Variants in CPT1C observed in about 807,000 individuals in gnomAD.
CPT1C encodes the protein carnitine palmitoyltransferase 1C, also known as palmitoyl thioesterase CPT1C.
A neutral mutation model predicts 97.3 loss-of-function variants in CPT1C; 61 were observed. The ratio of observed to expected loss-of-function variants is 0.63; its 90% CI spans 0.51 to 0.78. The LOEUF is 0.78. Among genes scored for constraint, CPT1C ranks in the 30% least tolerant of loss-of-function variants. CPT1C has a pLI of 0.00. For missense variants in CPT1C, 975 were observed against 1,065.5 expected, an observed-to-expected ratio of 0.92 and a Z score of 1.18; for synonymous variants, 469 against 447.2, an observed-to-expected ratio of 1.05 and a Z score of -0.61.
At chr19:49,700,972 T>TC in intron 5 of CPT1C, 117 bp downstream of exon 5, 1 of 1,082,996 alleles carries the variant, frequency 9.2e-7, no homozygotes, top group Non-Finnish European at 1.3e-6. Context: ...CTGGGTCTCT[T>TC]CCCCCTCTCT....
intron 17 of CPT1C, chr19:49,712,278 A>G: frequency 2.9e-6 from 1 of 343,404 alleles, no homozygotes; most frequent in Non-Finnish European, 5.4e-6. Flanking sequence ...CGGGAGGCGG[A>G]GGCTGTAGTG....
chr19:49,692,328 C>T lies in CPT1C; in HGVS notation c.76C>T (p.Pro26Ser). The change falls in exon 3 of 20, where the codon CCT (proline) becomes TCT (serine). Residue 26 changes from proline (P) to serine (S), a missense_variant. Coordinates refer to ENST00000598293, the MANE Select transcript of CPT1C (RefSeq NM_001199753.2). The stretch of plus-strand genomic sequence containing the variant: ...CGGGGCTGAAGTGGAACTCAGTGCC[C>T]CTGTGCTGCAGGAGATCTACCTCTC... The part of the protein sequence containing the change: ...SDGAEVELSA[P>S]VLQEIYLSGL... The T allele has an allele frequency of 6.2e-7, 1 of 1,613,994 alleles. No individual in the cohort carries two copies.
chr19:49,713,506 G>A lies in CPT1C; in HGVS notation c.2313G>A (p.Arg771=), dbSNP rs910399801. 1 of 1,614,102 alleles carries A rather than the reference G, an allele frequency of 6.2e-7. No individual in the cohort carries two copies. The highest frequency in any genetic ancestry group is 1.3e-5 in the African/African-American group (1 of 74,934). ...AGGCGGGACAGCATTTTAAGCGCCG[G>A]TTCAGAGGGTCAGGGAAGGAGAACT... ...LFQAGQHFKR[R]FRGSGKENSR... is the part of the protein sequence containing the mutation. Residue 771 remains arginine, a synonymous_variant, in exon 20 of 20, where the codon CGG becomes CGA. Transcript: ENST00000598293.
chr19:49,703,021 T>C (rs967351397), intron 7 of CPT1C, among the ~76,000 whole-genome samples: 1 of 151,946 alleles, frequency 6.6e-6, no homozygotes, highest in African/African-American at 2.4e-5. Flanking sequence ...CAGGCCTTGC[T>C]TTTCTGGTTA....
At chr19:49,710,951 C>A in intron 16 of CPT1C, 94 bp downstream of exon 16, 1 of 1,360,854 alleles carries the variant, frequency 7.3e-7, no homozygotes, top group South Asian at 1.4e-5. Context: ...CCAGCCTCCA[C>A]GAGGAGCACA....
At chr19:49,705,586 C>G (rs1376471571) in intron 10 of CPT1C, among the ~76,000 whole-genome samples, 1 of 152,042 alleles carries the variant, frequency 6.6e-6, no homozygotes, top group East Asian at 1.9e-4. Context: ...GTAGTGAGAT[C>G]CGGTCTATAT....
intron 7 of CPT1C, among the ~76,000 whole-genome samples, chr19:49,702,446 C>G (rs761219701): frequency 1.1e-4 from 17 of 150,806 alleles, no homozygotes; most frequent in Non-Finnish European, 2.1e-4. Context: ...GGTGAAACCC[C>G]GTCTCTACTA....
At chr19:49,692,015 G>A (rs1051602276) in intron 2 of CPT1C, 126 bp downstream of exon 2, 2 of 507,596 alleles carry the variant, frequency 3.9e-6, no homozygotes, top group African/African-American at 3.9e-5. Context: ...TGAGGGAGGA[G>A]GGGCTGGGGG....
In CPT1C at chr19:49,705,087, C is replaced by A. The variant is rs768326297; in HGVS notation, c.852C>A (p.His284Gln). The change falls in exon 9 of 20, where the codon CAC becomes CAA. Residue 284 changes from histidine (H) to glutamine (Q), a missense_variant. Coordinates refer to ENST00000598293, the MANE Select transcript of CPT1C (RefSeq NM_001199753.2). The part of the protein sequence containing the change: ...NAVHALLLYR[H>Q]RLNRQEIPPT... ...TCCATGCCCTCCTCCTGTACCGCCA[C>A]CGCCTGAACCGCCAGGAGATACCCC... The A allele has an allele frequency of 1.2e-6, 2 of 1,614,034 alleles. No homozygotes were observed. The highest frequency in any genetic ancestry group is 1.7e-5 in the Admixed American group (1 of 60,004).
intron 5 of CPT1C, 53 bp from the exon 6 acceptor site, chr19:49,701,264 C>G: frequency 6.6e-7 from 1 of 1,508,694 alleles, no homozygotes; most frequent in South Asian, 1.2e-5. Flanking sequence ...CCTGCCCCGT[C>G]AACTCCCTGG....
rs751511012 is a variant in CPT1C at position 49,708,798 on chromosome 19, C to G, written c.1525C>G (p.Leu509Val). ...GHCKGHPDPT[L>V]PQPQRLQWDL... ...CTGCAAGGGGCACCCGGACCCCACACTACCCCAGCCCCAGCGGCTGCAATG... is the reference window on the plus strand; with the variant it reads ...CTGCAAGGGGCACCCGGACCCCACAGTACCCCAGCCCCAGCGGCTGCAATG... The change falls in exon 14 of 20, where the codon CTA (leucine) becomes GTA (valine). Residue 509 changes from leucine to valine, a missense_variant. Coordinates refer to ENST00000598293, the MANE Select transcript of CPT1C (RefSeq NM_001199753.2). 1 of 1,613,908 alleles carries G rather than the reference C, an allele frequency of 6.2e-7. No individual in the cohort carries two copies. The highest frequency in any genetic ancestry group is 1.1e-5 in the South Asian group (1 of 91,078).
At chr19:49,701,072 C>G (rs373334492) in intron 5 of CPT1C, among the ~76,000 whole-genome samples, 10 of 59,742 alleles carry the variant, frequency 1.7e-4, no homozygotes, top group African/African-American at 5.9e-4. Context: ...TCCGTCCCCC[C>G]CTCTGGGTCT....
At chr19:49,710,288 C>G in intron 14 of CPT1C, 32 bp from the exon 15 acceptor site, 5 of 1,608,302 alleles carry the variant, frequency 3.1e-6, no homozygotes, top group Non-Finnish European at 4.3e-6. Context: ...ATCTGTAACC[C>G]CAACTACTCC....
At chr19:49,692,020 TG>T in intron 2 of CPT1C, 131 bp downstream of exon 2, 1 of 507,680 alleles carries the variant, frequency 2.0e-6, no homozygotes, top group Non-Finnish European at 3.5e-6. Context: ...GAGGAGGGGC[TG>T]GGGGCCTGGA....
chr19:49,701,581 G>A lies in CPT1C; in HGVS notation c.640G>A (p.Ala214Thr). 6.2e-7 allele frequency: 1 copy of A among 1,612,614 alleles called. No individual in the cohort carries two copies. The highest frequency in any genetic ancestry group is 8.5e-7 in the Non-Finnish European group (1 of 1,179,256). ...VLAQEFLRLQ[A>T]SLLQWYLRLK... ...GGCGCAGGAATTCCTGAGGCTGCAGGCGTCGCTGCTGCAGTGGTACCTGCG... is the reference window on the plus strand; with the variant it reads ...GGCGCAGGAATTCCTGAGGCTGCAGACGTCGCTGCTGCAGTGGTACCTGCG... The change falls in exon 7 of 20, where the codon GCG becomes ACG. Residue 214 changes from alanine to threonine, a missense_variant. Physicochemically the swap from Ala to Thr is moderately conservative, Grantham distance 58. This residue lies in a region of CPT1C where 596 missense variants were observed against 603.1 expected (regional missense o/e 0.99). Coordinates refer to ENST00000598293, the MANE Select transcript of CPT1C (RefSeq NM_001199753.2).
Position 49,706,330 on chromosome 19 carries a change from G to T in CPT1C, c.1260G>T (p.Glu420Asp). The part of the protein sequence containing the change: ...GAAFFVSLDA[E>D]PAGLTREDPA... Reference sequence around the variant, plus strand: ...CTTTCTTTGTGTCACTGGATGCTGAGCCCGCGGGGCTCACCAGGGAGGACC... The same window carrying T: ...CTTTCTTTGTGTCACTGGATGCTGATCCCGCGGGGCTCACCAGGGAGGACC... Residue 420 changes from glutamate to aspartate, a missense_variant, in exon 12 of 20, where the codon GAG becomes GAT. Physicochemically the swap from Glu to Asp is conservative, Grantham distance 45. Coordinates refer to ENST00000598293, the MANE Select transcript of CPT1C (RefSeq NM_001199753.2). This position sits in a 1 kb window ranked among gnomAD's most constrained non-coding sequence, Gnocchi z 4.8. 6.6e-7 allele frequency: 1 copy of T among 1,523,428 alleles called. No homozygotes were observed. The highest frequency in any genetic ancestry group is 1.7e-4 in the Middle Eastern group (1 of 5,758). 94.4% of individuals were successfully genotyped at this position (1,523,428 alleles called of 1,614,324 possible).
At chr19:49,701,221 CCTT>C in intron 5 of CPT1C, 93 bp from the exon 6 acceptor site, 3 of 981,858 alleles carry the variant, frequency 3.1e-6, no homozygotes, top group South Asian at 1.5e-5. Context: ...GTCTCTGTGT[CCTT>C]CTCTTTGGGT....
In CPT1C at chr19:49,713,697, C is replaced by G. The variant is rs770700729; in HGVS notation, c.*92C>G. 8.2e-7 allele frequency: 1 copy of G among 1,212,508 alleles called. No homozygotes were observed. Among genetic ancestry groups the G allele is most frequent in the South Asian group, 1.4e-5 (1 of 69,872 alleles). 75.1% of individuals were successfully genotyped at this position (1,212,508 alleles called of 1,614,324 possible). On this transcript the variant is annotated 3_prime_UTR_variant, in exon 20 of 20. Coordinates refer to ENST00000598293, the MANE Select transcript of CPT1C (RefSeq NM_001199753.2). Reference sequence around the variant, plus strand: ...GGACAGGGGCAACTGGTTTGGCAACCCCACATCCAGGCCAATAAAGATGTG... The same window carrying G: ...GGACAGGGGCAACTGGTTTGGCAACGCCACATCCAGGCCAATAAAGATGTG...
chr19:49,702,042 T>C (rs1250739429), intron 7 of CPT1C, among the ~76,000 whole-genome samples: 1 of 97,166 alleles, frequency 1.0e-5, no homozygotes, highest in Non-Finnish European at 1.8e-5. Context: ...TATATATTTA[T>C]TTATAAATTA....
Sources: allele counts gnomAD v4.1 joint callset (sites outside exome capture counted in the v4.1 genomes callset), GRCh38; gene constraint gnomAD v4.1.1; regional missense constraint gnomAD v4.1.1; non-coding constraint Gnocchi (gnomAD v3.1); transcripts MANE v1.5; gene names NCBI Gene and HGNC (gene_info 2026-07-23, HGNC 2026-07-21).